The following BAZ2B variants were observed in gnomAD, a reference collection of about 807,000 sequenced individuals.
The protein encoded by BAZ2B is bromodomain adjacent to zinc finger domain protein 2B.
Under a neutral mutation model 246.0 loss-of-function variants are expected in BAZ2B, and 91 were observed. That is an observed-to-expected ratio of 0.37 (90% CI 0.31 to 0.44). The LOEUF (loss-of-function observed/expected upper bound fraction) is 0.44. Ranked by LOEUF, BAZ2B falls within the 20% of genes least tolerant of loss-of-function variation. The pLI, the probability that BAZ2B is intolerant of heterozygous loss-of-function variation, is 1.00. For synonymous variants in BAZ2B, 855 were observed against 860.0 expected, an observed-to-expected ratio of 0.99 and a Z score of 0.10; for missense variants, 2,332 against 2,533.7, an observed-to-expected ratio of 0.92 and a Z score of 1.71.
intron 14 of BAZ2B, among the ~76,000 whole-genome samples, chr2:159,410,459 A>G (rs1192596311): frequency 1.3e-5 from 2 of 152,056 alleles, no homozygotes. Context: ...TTCTCATGAG[A>G]TCTGCTAGTT....
chr2:159,367,299 A>G (rs2060320979), intron 27 of BAZ2B, among the ~76,000 whole-genome samples: 1 of 152,198 alleles, frequency 6.6e-6, no homozygotes, highest in Non-Finnish European at 1.5e-5. Flanking sequence ...AGGGGCTCAG[A>G]GATCCCCTGA....
rs1444509662 is a variant in BAZ2B, at chr2:159,350,024, G to A, written c.4547C>T (p.Thr1516Met). 1.7e-5 allele frequency: 27 copies of A among 1,613,994 alleles called. No homozygotes were observed. The highest frequency in any genetic ancestry group is 3.3e-4 in the Middle Eastern group (2 of 6,084). The change falls in exon 28 of 37, where the codon ACG becomes ATG. Residue 1516 changes from threonine to methionine, a missense_variant. Around this residue, in one of 9 missense-constraint regions of BAZ2B, gnomAD observed 676 missense variants for 668.6 expected, o/e 1.01. Transcript: ENST00000392783. ...HSLGSVQSTA[T>M]QSNVEKADSN... ...GTCTGCCTTTTCCACATTGCTTTGC[G>A]TTGCTGTTGACTGAACGCTGCCCAG...
At chr2:159,461,777 TGTGGTTCAA>T (rs534396729) in intron 3 of BAZ2B, 145 of 152,824 alleles carry the variant, frequency 9.5e-4, no homozygotes, top group African/African-American at 3.3e-3. Flanking sequence ...GTGCAGGGAA[TGTGGTTCAA>T]GTCTTTGGAT....
chr2:159,621,291 A>G (rs1696420262), upstream of BAZ2B, among the ~76,000 whole-genome samples: 1 of 152,152 alleles, frequency 6.6e-6, no homozygotes, highest in Non-Finnish European at 1.5e-5. Context: ...GTGAATTCAA[A>G]TGTCCCCAAC....
intron 6 of BAZ2B, among the ~76,000 whole-genome samples, chr2:159,446,072 C>T (rs1357017040): frequency 1.3e-5 from 2 of 152,044 alleles, no homozygotes; most frequent in Non-Finnish European, 2.9e-5. Flanking sequence ...TGAGATTCTG[C>T]CACTACACTC....
chr2:159,665,785 G>A, the BAZ2B span, among the ~76,000 whole-genome samples: 2 of 152,082 alleles, frequency 1.3e-5, no homozygotes, highest in African/African-American at 4.8e-5. Flanking sequence ...TCAGGACATA[G>A]GCGTGTCAAA....
intron 19 of BAZ2B, among the ~76,000 whole-genome samples, chr2:159,396,723 A>C (rs2064077778): frequency 6.6e-6 from 1 of 152,180 alleles, no homozygotes; most frequent in Non-Finnish European, 1.5e-5. Context: ...AAACAAACTC[A>C]AAATTCCCAC....
chr2:159,491,433 T>C (rs1441173743), intron 2 of BAZ2B, among the ~76,000 whole-genome samples: 1 of 152,058 alleles, frequency 6.6e-6, no homozygotes, highest in Admixed American at 6.5e-5. Flanking sequence ...TTAAAAGTCT[T>C]CTGTTGGCCA....
chr2:159,530,967 A>AAACC (rs1324274535), intron 2 of BAZ2B, among the ~76,000 whole-genome samples: 2 of 102,270 alleles, frequency 2.0e-5, no homozygotes, highest in Non-Finnish European at 5.7e-5. Context: ...CTCCGTCTCA[A>AAACC]AACAAACAAA....
At chr2:159,662,901 A>G in the BAZ2B span, among the ~76,000 whole-genome samples, 7 of 152,124 alleles carry the variant, frequency 4.6e-5, no homozygotes, top group Non-Finnish European at 8.8e-5. Context: ...TTTGATTTTC[A>G]TTTCCCTGAT....
chr2:159,428,124 A>C lies in BAZ2B; in HGVS notation c.2365-82T>G, dbSNP rs945882654. 3.4e-5 allele frequency: 45 copies of C among 1,312,210 alleles called. No homozygotes were observed. In the African/African-American group the frequency reaches 6.2e-4, roughly 18 times the overall value. The allele number at this position is 1,312,210 out of a possible 1,614,324, so 81.3% of individuals were successfully genotyped here. ...ATGTATAGCTAGCTTCAGGACACTA[A>C]TGTTTTGCATATTCTATCAAGGGGC... On this transcript the variant is annotated intron_variant, in intron 12 of 36. Coordinates refer to ENST00000392783, the MANE Select transcript of BAZ2B (RefSeq NM_013450.4).
At chr2:159,677,884 T>A in the BAZ2B span, among the ~76,000 whole-genome samples, 1 of 152,210 alleles carries the variant, frequency 6.6e-6, no homozygotes, top group Non-Finnish European at 1.5e-5. Flanking sequence ...AAACAAATGC[T>A]ATATTGTTTA....
chr2:159,385,704 T>C (rs1284396993), intron 22 of BAZ2B, among the ~76,000 whole-genome samples: 1 of 152,106 alleles, frequency 6.6e-6, no homozygotes, highest in Non-Finnish European at 1.5e-5. Context: ...ATCTGGATAT[T>C]TTATCAGGAA....
At chr2:159,462,646 A>G (rs6735840) in intron 3 of BAZ2B, 58,254 of 982,360 alleles carry the variant, frequency 0.059, 2,452 homozygotes, top group African/African-American at 0.14. Context: ...CCAACTGAAC[A>G]CTGCCATCTT....
At position 159,343,755 on chromosome 2, in the gene BAZ2B, C is replaced by T. The variant is rs562404224; in HGVS notation, c.5454+3731G>A. ...AAAAAGAAAAAAAACGGCCGGGCGC[C>T]GTGGCTCACATCTGTAATCCCAGCA... is the stretch of plus-strand genomic sequence containing the variant. On this transcript the variant is annotated intron_variant, in intron 31 of 36. Coordinates refer to ENST00000392783, the MANE Select transcript of BAZ2B (RefSeq NM_013450.4). Among the ~76,000 whole-genome samples the T allele has an allele frequency of 9.9e-5, 15 of 152,120 alleles. No individual in the cohort carries two copies. The East Asian group carries it at 2.1e-3, about 22-fold the overall frequency.
At position 159,429,189 on chromosome 2, in the gene BAZ2B, A is replaced by C. The variant is rs2070609021; in HGVS notation, c.2255+11T>G. 6.6e-7 allele frequency: 1 copy of C among 1,516,842 alleles called. No homozygotes were observed. The highest frequency in any genetic ancestry group is 8.9e-7 in the Non-Finnish European group (1 of 1,126,492). The allele number at this position is 1,516,842 out of a possible 1,614,324, so 94.0% of individuals were successfully genotyped here. A position where few individuals can be genotyped will look rare whatever the true frequency, so the allele number is the denominator to read the frequency against. On this transcript the variant is annotated intron_variant, in intron 11 of 36. Transcript: ENST00000392783. ...GGGGAAAAAGAAAAAGGAAAACCTTATTTTGCATACCCATATTCCAATGGA... is the reference window on the plus strand; with the variant it reads ...GGGGAAAAAGAAAAAGGAAAACCTTCTTTTGCATACCCATATTCCAATGGA...
At chr2:159,581,685 A>G (rs993099294) in intron 1 of BAZ2B, among the ~76,000 whole-genome samples, 8 of 152,158 alleles carry the variant, frequency 5.3e-5, no homozygotes, top group Non-Finnish European at 1.0e-4. Flanking sequence ...ATGTCCATCA[A>G]TGATAGACTG....
At chr2:159,341,239 A>G (rs2066652518) in intron 31 of BAZ2B, among the ~76,000 whole-genome samples, 1 of 138,700 alleles carries the variant, frequency 7.2e-6, no homozygotes. Context: ...GTCAGATAAA[A>G]AAAACAAACA....
chr2:159,703,308 G>C, the BAZ2B span, among the ~76,000 whole-genome samples: 1 of 151,422 alleles, frequency 6.6e-6, no homozygotes, highest in Non-Finnish European at 1.5e-5. Flanking sequence ...TGGCCAGGCT[G>C]GTCTTGAACT....
Sources: allele counts gnomAD v4.1 joint callset (sites outside exome capture counted in the v4.1 genomes callset), GRCh38; gene constraint gnomAD v4.1.1; regional missense constraint gnomAD v4.1.1; transcripts MANE v1.5; gene names NCBI Gene and HGNC (gene_info 2026-07-23, HGNC 2026-07-21).